PTBP1: variants seen among roughly 807,000 people sequenced by gnomAD.
PTBP1 encodes polypyrimidine tract-binding protein 1.
In PTBP1, 8 loss-of-function variants were observed where a neutral mutation model predicts 59.8. The ratio of observed to expected loss-of-function variants is 0.13; its 90% CI spans 0.08 to 0.24. The LOEUF is 0.24. Among genes scored for constraint, PTBP1 ranks in the 10% least tolerant of loss-of-function variants. The pLI is 1.00. For synonymous variants in PTBP1, 490 were observed against 320.7 expected, an observed-to-expected ratio of 1.53 and a Z score of -5.64; for missense variants, 686 against 767.0, an observed-to-expected ratio of 0.89 and a Z score of 1.25.
rs1010640564 is a variant in PTBP1 at position 806,108 on chromosome 19, G to C, written c.971-300G>C. The stretch of plus-strand genomic sequence containing the variant: ...GGTCCCGGGACGGGCCCTGCTTGCC[G>C]AGGGCCCCGTGTCTGTGCTGGCGGA... On this transcript the variant is annotated intron_variant, in intron 9 of 14. Coordinates refer to ENST00000356948, the MANE Select transcript of PTBP1 (RefSeq NM_002819.5). 3 of 333,352 alleles carry C rather than the reference G, an allele frequency of 9.0e-6. No individual in the cohort carries two copies. The Admixed American group carries it at 1.5e-4, about 17-fold the overall frequency. 20.6% of individuals were successfully genotyped at this position (333,352 alleles called of 1,614,324 possible).
At chr19:803,681 C>T (rs1479230268) in intron 3 of PTBP1, 45 bp downstream of exon 3, 15 of 1,522,014 alleles carry the variant, frequency 9.9e-6, no homozygotes, top group Non-Finnish European at 1.2e-5. Flanking sequence ...GGGTGTCTTT[C>T]CCTGGAACAA....
rs541209629 is a variant in PTBP1 at position 811,173 on chromosome 19, C to G, written c.*347C>G. 2 of 192,308 alleles carry G rather than the reference C, an allele frequency of 1.0e-5. No individual in the cohort carries two copies. The highest frequency in any genetic ancestry group is 2.6e-4 in the East Asian group (2 of 7,616). The allele number at this position is 192,308 out of a possible 1,614,324, so 11.9% of individuals were successfully genotyped here. A position where few individuals can be genotyped will look rare whatever the true frequency, so the allele number is the denominator to read the frequency against. ...CTTCCTTGTGCCTTAAAAAACCTGC[C>G]TTCCTGCAGCCACACACCCACCCGG... On this transcript the variant is annotated 3_prime_UTR_variant, in exon 15 of 15. Transcript: ENST00000356948.
In PTBP1 at chr19:804,639, C is replaced by T. The variant is rs772676654; in HGVS notation, c.543C>T (p.Ser181=). 7 of 1,612,822 alleles carry T rather than the reference C, an allele frequency of 4.3e-6. No homozygotes were observed. In the African/African-American group the frequency reaches 5.3e-5, roughly 12 times the overall value. ...VDAGMAMAGQ[S]PVLRIIVENL... ...CAGGGATGGCGATGGCCGGGCAGAG[C>T]CCCGTGCTCAGGATCATCGTGGAGA... is the stretch of plus-strand genomic sequence containing the variant. Residue 181 remains serine (S), a synonymous_variant, in exon 6 of 15, where the codon AGC becomes AGT. Coordinates refer to ENST00000356948, the MANE Select transcript of PTBP1 (RefSeq NM_002819.5).
At chr19:803,997 G>A in intron 3 of PTBP1, 39 bp from the exon 4 acceptor site, 1 of 1,612,092 alleles carries the variant, frequency 6.2e-7, no homozygotes, top group Middle Eastern at 1.7e-4. Context: ...GTGGGCTCCT[G>A]CGAGTTGGTG....
chr19:802,450 G>A (rs2034375971), intron 2 of PTBP1, among the ~76,000 whole-genome samples: 1 of 148,346 alleles, frequency 6.7e-6, no homozygotes, highest in Non-Finnish European at 1.5e-5. Context: ...GGAGCTGGGG[G>A]TTGTCTGAGG....
chr19:806,329 A>G (rs527579162), intron 9 of PTBP1, 79 bp from the exon 10 acceptor site: 3 of 1,431,644 alleles, frequency 2.1e-6, no homozygotes, highest in East Asian at 5.8e-5. Context: ...TCGGTGCATG[A>G]GGACGGGGAG....
chr19:806,771 G>A lies in PTBP1; in HGVS notation c.1119+215G>A, dbSNP rs758676505. 8.3e-6 allele frequency: 4 copies of A among 482,798 alleles called. No homozygotes were observed. The South Asian group carries it at 1.5e-4, about 19-fold the overall frequency. The allele number at this position is 482,798 out of a possible 1,614,324, so 29.9% of individuals were successfully genotyped here. On this transcript the variant is annotated intron_variant, in intron 10 of 14. Transcript: ENST00000356948. The stretch of plus-strand genomic sequence containing the variant: ...CACATCTTGGTTCGCGTTTTCTCTT[G>A]CATGATACGCAGAATGAATTATTTT...
intron 1 of PTBP1, 112 bp from the exon 2 acceptor site, chr19:799,301 C>G (rs2034223701): frequency 5.3e-6 from 5 of 951,790 alleles, no homozygotes; most frequent in Non-Finnish European, 8.7e-6. Flanking sequence ...GGGAGCCCTG[C>G]GGAGGTGGCA....
chr19:804,547 C>G lies in PTBP1; in HGVS notation c.451C>G (p.Leu151Val), dbSNP rs763874058. ...CCTCCCACAGCGGGCCCAGGCGGCC[C>G]TGCAGGCGGTGAACTCGGTCCAGTC... ...SPNQARAQAALQAVNSVQSGN... is the reference protein window; with the variant it reads ...SPNQARAQAAVQAVNSVQSGN... Residue 151 changes from leucine to valine, a missense_variant, in exon 6 of 15, where the codon CTG (leucine) becomes GTG (valine). By Grantham distance (32) the Leu-to-Val change is conservative (BLOSUM62 1). Transcript: ENST00000356948. 4 of 1,605,098 alleles carry G rather than the reference C, an allele frequency of 2.5e-6. No homozygotes were observed. In the African/African-American group the frequency reaches 4.0e-5, roughly 16 times the overall value.
At position 810,891 on chromosome 19, in the gene PTBP1, T is replaced by G; in HGVS notation, c.*65T>G. On this transcript the variant is annotated 3_prime_UTR_variant, in exon 15 of 15. Coordinates refer to ENST00000356948, the MANE Select transcript of PTBP1 (RefSeq NM_002819.5). Reference sequence around the variant, plus strand: ...TCCATCATTCCAGAGAAAAGCCACTTTAAAAACAGCTGAAGTGACCTTAGC... The same window carrying G: ...TCCATCATTCCAGAGAAAAGCCACTGTAAAAACAGCTGAAGTGACCTTAGC... 1 of 1,438,992 alleles carries G rather than the reference T, an allele frequency of 6.9e-7. No homozygotes were observed. The allele number at this position is 1,438,992 out of a possible 1,614,324, so 89.1% of individuals were successfully genotyped here.
intron 2 of PTBP1, among the ~76,000 whole-genome samples, chr19:800,143 T>C (rs1031410127): frequency 2.0e-5 from 3 of 151,108 alleles, no homozygotes; most frequent in African/African-American, 7.3e-5. Flanking sequence ...TTTCGAACAT[T>C]GTTGGCCAGG....
chr19:804,792 C>T (rs747959627), intron 6 of PTBP1, 37 bp from the exon 7 acceptor site: 2 of 1,608,698 alleles, frequency 1.2e-6, no homozygotes. Context: ...CTGGTGGGCA[C>T]CGGGCAGGAG....
intron 2 of PTBP1, among the ~76,000 whole-genome samples, chr19:801,173 G>T (rs942792846): frequency 6.6e-6 from 1 of 152,214 alleles, no homozygotes; most frequent in African/African-American, 2.4e-5. Context: ...AAGTCCTGGG[G>T]CGTTTCCTGT....
chr19:800,036 C>T (rs2034261887), intron 2 of PTBP1, among the ~76,000 whole-genome samples: 2 of 151,934 alleles, frequency 1.3e-5, no homozygotes, highest in African/African-American at 4.8e-5. Context: ...AAGCGATTCT[C>T]CTGCCTCAAC....
rs1340185684 is a variant in PTBP1, at chr19:812,004, T to C, written c.*1178T>C. The C allele has an allele frequency of 6.6e-6, 1 of 152,410 alleles. No individual in the cohort carries two copies. Among genetic ancestry groups the C allele is most frequent in the Non-Finnish European group, 1.5e-5 (1 of 68,038 alleles). The allele number at this position is 152,410 out of a possible 1,614,324, so 9.4% of individuals were successfully genotyped here. On this transcript the variant is annotated 3_prime_UTR_variant, in exon 15 of 15. Coordinates refer to ENST00000356948, the MANE Select transcript of PTBP1 (RefSeq NM_002819.5). ...AGGATCCCCTTTCCGTAAAAGCGTG[T>C]AACAAGGGTGTAAATATTTATAATT...
intron 8 of PTBP1, 96 bp from the exon 9 acceptor site, chr19:805,396 G>GCCGC: frequency 7.5e-7 from 1 of 1,329,132 alleles, no homozygotes; most frequent in Non-Finnish European, 1.1e-6. Flanking sequence ...CTCTGCCGGG[G>GCCGC]CCGCCCGCCG....
Position 812,169 on chromosome 19 carries a change from TA to T in PTBP1, c.*1344del. The T allele has an allele frequency of 6.6e-6, 1 of 152,446 alleles. No homozygotes were observed. The highest frequency in any genetic ancestry group is 1.9e-4 in the East Asian group (1 of 5,194). 9.4% of individuals were successfully genotyped at this position (152,446 alleles called of 1,614,324 possible). A position where few individuals can be genotyped will look rare whatever the true frequency, so the allele number is the denominator to read the frequency against. On this transcript the variant is annotated 3_prime_UTR_variant, in exon 15 of 15. Transcript: ENST00000356948. ...GGACCCCACGCACATTCCGTTGCCT[TA>T]CCCGATGGCTTGTGACGCGGAGAGA...
chr19:801,971 CTG>C (rs1203152435), intron 2 of PTBP1, among the ~76,000 whole-genome samples: 1 of 152,240 alleles, frequency 6.6e-6, no homozygotes, highest in Non-Finnish European at 1.5e-5. Context: ...ACACTGGACA[CTG>C]TTCATTCTCT....
chr19:799,599 T>C (rs1343021549), intron 2 of PTBP1, among the ~76,000 whole-genome samples, 156 bp downstream of exon 2: 1 of 152,216 alleles, frequency 6.6e-6, no homozygotes, highest in African/African-American at 2.4e-5. Context: ...GCGGTAGGGT[T>C]TGAACCCCGG....
Sources: allele counts gnomAD v4.1 joint callset (sites outside exome capture counted in the v4.1 genomes callset), GRCh38; gene constraint gnomAD v4.1.1; transcripts MANE v1.5; gene names NCBI Gene and HGNC (gene_info 2026-07-23, HGNC 2026-07-21).